BNC2: variants seen among roughly 807,000 people sequenced by gnomAD.
The protein encoded by BNC2 is zinc finger protein basonuclin-2.
BNC2 carries 20 observed loss-of-function variants against 76.3 expected under a neutral mutation model. That is an observed-to-expected ratio of 0.26 (90% CI 0.18 to 0.38). The LOEUF is 0.38. Among genes scored for constraint, BNC2 ranks in the 10% least tolerant of loss-of-function variants. The pLI, the probability that BNC2 is intolerant of heterozygous loss-of-function variation, is 1.00. For missense variants in BNC2, 1,382 were observed against 1,399.8 expected (o/e 0.99, Z 0.20); for synonymous variants, 582 against 514.8 (o/e 1.13, Z -1.77).
chr9:16,810,964 A>T (rs1471812668), intron 1 of BNC2, among the ~76,000 whole-genome samples: 1 of 152,194 alleles, frequency 6.6e-6, no homozygotes, highest in Non-Finnish European at 1.5e-5. Context: ...CACGCCTGTA[A>T]TCCCAGCAAT....
intron 3 of BNC2, among the ~76,000 whole-genome samples, chr9:16,608,964 C>G (rs10511623): frequency 0.051 from 7,716 of 152,096 alleles, 705 homozygotes; most frequent in African/African-American, 0.17. Context: ...AACATCATAC[C>G]TTGCCAACCT....
chr9:16,628,412 C>G (rs1326758753), intron 3 of BNC2, among the ~76,000 whole-genome samples: 3 of 152,180 alleles, frequency 2.0e-5, no homozygotes, highest in African/African-American at 7.2e-5. Flanking sequence ...AATGTTGTCA[C>G]TTTATCAAGT....
chr9:16,632,914 G>T (rs929607547), intron 3 of BNC2, among the ~76,000 whole-genome samples: 5 of 152,150 alleles, frequency 3.3e-5, no homozygotes, highest in African/African-American at 1.2e-4. Flanking sequence ...TAGGAGGGTA[G>T]GTTTCTTAAT....
At chr9:16,468,674 A>G (rs1040076493) in intron 5 of BNC2, among the ~76,000 whole-genome samples, 6 of 152,012 alleles carry the variant, frequency 3.9e-5, no homozygotes, top group Non-Finnish European at 2.9e-5. Flanking sequence ...TACAGGTGTG[A>G]GCCACCACAC....
chr9:16,844,831 T>C (rs1818928098), intron 1 of BNC2, among the ~76,000 whole-genome samples: 1 of 152,158 alleles, frequency 6.6e-6, no homozygotes, highest in Non-Finnish European at 1.5e-5. Context: ...TATCCAGTCA[T>C]TTCTGGGAAA....
At chr9:16,773,182 A>C (rs1825874154) in intron 1 of BNC2, among the ~76,000 whole-genome samples, 1 of 152,198 alleles carries the variant, frequency 6.6e-6, no homozygotes, top group African/African-American at 2.4e-5. Flanking sequence ...ACTGCAGTTC[A>C]TAAAATGTTT....
intron 1 of BNC2, among the ~76,000 whole-genome samples, chr9:16,812,820 T>C (rs1818085362): frequency 6.6e-6 from 1 of 152,208 alleles, no homozygotes. Context: ...AACTGCTAAT[T>C]AACAGGACAA....
chr9:16,731,349 T>G (rs1394543850), intron 2 of BNC2, among the ~76,000 whole-genome samples: 1 of 152,236 alleles, frequency 6.6e-6, no homozygotes, highest in Non-Finnish European at 1.5e-5. Context: ...CCACATTTAC[T>G]GATAGTGAGA....
intron 1 of BNC2, among the ~76,000 whole-genome samples, chr9:16,781,246 G>GATCTGGATTCAACACCTCATGTT (rs58363689): frequency 6.6e-6 from 1 of 151,812 alleles, no homozygotes; most frequent in African/African-American, 2.4e-5. Context: ...AAGGTCTGAA[G>GATCTGGATTCAACACCTCATGTT]ATCAGGGCTG....
intron 3 of BNC2, among the ~76,000 whole-genome samples, chr9:16,713,899 A>C (rs1048054618): frequency 6.6e-6 from 1 of 152,042 alleles, no homozygotes; most frequent in African/African-American, 2.4e-5. Flanking sequence ...ATATGGCAAA[A>C]CCCTATCTCT....
intron 1 of BNC2, among the ~76,000 whole-genome samples, chr9:16,836,461 G>C (rs1818709493): frequency 6.6e-6 from 1 of 150,602 alleles, no homozygotes; most frequent in South Asian, 2.1e-4. Flanking sequence ...TGAATGTGAA[G>C]AAACCTCTAG....
intron 1 of BNC2, among the ~76,000 whole-genome samples, chr9:16,792,366 T>A (rs1460662894): frequency 6.6e-6 from 1 of 152,194 alleles, no homozygotes; most frequent in East Asian, 1.9e-4. Context: ...TCTTCAAAAC[T>A]TCATCACTAA....
At chr9:16,482,206 A>G (rs779156368) in intron 5 of BNC2, among the ~76,000 whole-genome samples, 15 of 152,216 alleles carry the variant, frequency 9.9e-5, no homozygotes, top group African/African-American at 1.7e-4. Flanking sequence ...TTTCAAAAGA[A>G]TAAGTTTAAT....
intron 3 of BNC2, among the ~76,000 whole-genome samples, chr9:16,706,024 A>C: frequency 6.6e-6 from 1 of 152,240 alleles, no homozygotes; most frequent in East Asian, 1.9e-4. Flanking sequence ...CATAACTGAC[A>C]AGCAACTATT....
chr9:16,527,475 C>T (rs1027371173), intron 5 of BNC2, among the ~76,000 whole-genome samples: 1 of 152,118 alleles, frequency 6.6e-6, no homozygotes, highest in Non-Finnish European at 1.5e-5. Context: ...TCAAACTGTA[C>T]GAAGTGTTCA....
At chr9:16,523,290 T>C (rs968332391) in intron 5 of BNC2, among the ~76,000 whole-genome samples, 4 of 151,592 alleles carry the variant, frequency 2.6e-5, no homozygotes, top group African/African-American at 9.7e-5. Flanking sequence ...GCTAACACGA[T>C]GAAACCCTGT....
chr9:16,757,367 ATC>A (rs1456261198), intron 1 of BNC2, among the ~76,000 whole-genome samples: 2 of 152,182 alleles, frequency 1.3e-5, no homozygotes, highest in Non-Finnish European at 2.9e-5. Context: ...AGAACTCCCC[ATC>A]ACCACTACTT....
chr9:16,663,700 A>T (rs1043981750), intron 3 of BNC2, among the ~76,000 whole-genome samples: 1 of 152,218 alleles, frequency 6.6e-6, no homozygotes, highest in Non-Finnish European at 1.5e-5. Context: ...AATGTCCAAT[A>T]GCGTCAATTC....
intron 3 of BNC2, among the ~76,000 whole-genome samples, chr9:16,622,723 G>T (rs1025442139): frequency 6.6e-6 from 1 of 152,094 alleles, no homozygotes; most frequent in Admixed American, 6.6e-5. Context: ...TTCTTAGGTG[G>T]GTGGCCAGGC....
Sources: gnomAD v4.1 joint callset for allele counts (sites outside exome capture counted in the v4.1 genomes callset) on GRCh38, gnomAD v4.1.1 for gene constraint, MANE v1.5 for transcripts, NCBI Gene and HGNC (gene_info 2026-07-23, HGNC 2026-07-21) for gene names.